The following TASP1 variants were observed in gnomAD, a reference collection of about 807,000 sequenced individuals.
TASP1 encodes threonine aspartase 1.
Under a neutral mutation model 56.6 loss-of-function variants are expected in TASP1, and 16 were observed. That is an observed-to-expected ratio of 0.28 (90% confidence interval 0.19 to 0.43). The LOEUF (loss-of-function observed/expected upper bound fraction) is 0.43. Ranked by LOEUF, TASP1 falls within the 20% of genes least tolerant of loss-of-function variation. The probability of loss-of-function intolerance (pLI) is 1.00; values close to 1 mark genes in which losing one functional copy is unlikely to be tolerated. For synonymous variants in TASP1, 179 were observed against 184.2 expected (o/e 0.97, Z 0.23); for missense variants, 393 against 511.6 (o/e 0.77, Z 2.24).
At chr20:13,308,017 TGGACACTCCGTTTA>T in the TASP1 span, among the ~76,000 whole-genome samples, 7 of 152,226 alleles carry the variant, frequency 4.6e-5, no homozygotes, top group African/African-American at 1.7e-4. Flanking sequence ...GTTGTCCTGG[TGGACACTCCGTTTA>T]GGAGTGTTTG....
At chr20:13,487,503 C>T (rs140611679) in intron 10 of TASP1, among the ~76,000 whole-genome samples, 1 of 152,172 alleles carries the variant, frequency 6.6e-6, no homozygotes, top group Admixed American at 6.5e-5. Flanking sequence ...CCAGTCTCTA[C>T]GGCCAGGTCA....
chr20:13,280,401 C>CG, the TASP1 span, among the ~76,000 whole-genome samples: 2 of 146,754 alleles, frequency 1.4e-5, no homozygotes, highest in South Asian at 2.4e-4. Context: ...ACCCCCCCCC[C>CG]CCAATACATT....
chr20:13,163,897 CT>C, the TASP1 span, among the ~76,000 whole-genome samples: 43 of 152,048 alleles, frequency 2.8e-4, no homozygotes, highest in South Asian at 1.3e-3. Context: ...TGAAAATGAC[CT>C]TTTTTTTATT....
At chr20:13,267,588 G>T in the TASP1 span, among the ~76,000 whole-genome samples, 1 of 152,266 alleles carries the variant, frequency 6.6e-6, no homozygotes. Context: ...TAAGGGGTTT[G>T]CTTGGTCTGG....
chr20:13,250,778 G>A, the TASP1 span, among the ~76,000 whole-genome samples: 1 of 152,158 alleles, frequency 6.6e-6, no homozygotes, highest in Admixed American at 6.5e-5. Flanking sequence ...ATGAGTAAAT[G>A]GATACATGCC....
chr20:13,463,703 C>T (rs1378782944), intron 11 of TASP1, among the ~76,000 whole-genome samples: 1 of 152,076 alleles, frequency 6.6e-6, no homozygotes, highest in Non-Finnish European at 1.5e-5. Flanking sequence ...ACTTCATACA[C>T]ATCTTCTCCA....
At chr20:13,153,813 A>G in the TASP1 span, among the ~76,000 whole-genome samples, 2 of 152,232 alleles carry the variant, frequency 1.3e-5, no homozygotes, top group Non-Finnish European at 2.9e-5. Flanking sequence ...CCTGCCTTCC[A>G]GGTGCAAGGT....
chr20:13,168,368 A>T, the TASP1 span: 2 of 152,236 alleles, frequency 1.3e-5, no homozygotes, highest in Non-Finnish European at 2.9e-5. Context: ...TTTTTAGTAG[A>T]GACAAGGTTT....
intron 4 of TASP1, among the ~76,000 whole-genome samples, chr20:13,616,073 A>G (rs6042248): frequency 0.032 from 4,880 of 152,174 alleles, 217 homozygotes; most frequent in African/African-American, 0.096. Flanking sequence ...AAACACAAAT[A>G]CACATACACA....
At chr20:13,495,831 CTG>C (rs1411301050) in intron 10 of TASP1, among the ~76,000 whole-genome samples, 2 of 152,142 alleles carry the variant, frequency 1.3e-5, no homozygotes, top group East Asian at 3.8e-4. Flanking sequence ...TTACCTAAGA[CTG>C]TGCTTCCCAA....
chr20:13,221,034 C>T, the TASP1 span, among the ~76,000 whole-genome samples: 2 of 152,118 alleles, frequency 1.3e-5, no homozygotes, highest in Non-Finnish European at 2.9e-5. Context: ...GTGACAACCT[C>T]GGTGTGCCCG....
At chr20:13,260,170 C>T in the TASP1 span, among the ~76,000 whole-genome samples, 2 of 152,216 alleles carry the variant, frequency 1.3e-5, no homozygotes, top group Admixed American at 6.5e-5. Context: ...GGAACAGGTG[C>T]CGGTGGCAGG....
chr20:13,170,126 C>T, the TASP1 span, among the ~76,000 whole-genome samples: 9 of 152,158 alleles, frequency 5.9e-5, no homozygotes, highest in South Asian at 2.1e-4. Context: ...ATGCCAGACA[C>T]GATATTAAGA....
intron 10 of TASP1, among the ~76,000 whole-genome samples, chr20:13,525,231 A>C (rs752532562): frequency 1.3e-5 from 2 of 152,170 alleles, no homozygotes; most frequent in Admixed American, 6.6e-5. Flanking sequence ...TGTGTATGTC[A>C]ACTTACTTAC....
the TASP1 span, among the ~76,000 whole-genome samples, chr20:13,349,012 G>A: frequency 1.3e-5 from 2 of 152,170 alleles, no homozygotes; most frequent in Non-Finnish European, 2.9e-5. Flanking sequence ...TCATTTGTGT[G>A]GGTTAAGCTG....
the TASP1 span, among the ~76,000 whole-genome samples, chr20:13,216,379 TTGTGCCCA>T: frequency 2.0e-5 from 3 of 152,018 alleles, no homozygotes; most frequent in Non-Finnish European, 4.4e-5. Flanking sequence ...GGTGGTGAGG[TTGTGCCCA>T]GTCCCTTAGG....
the TASP1 span, among the ~76,000 whole-genome samples, chr20:13,255,038 G>A: frequency 2.0e-5 from 3 of 152,154 alleles, no homozygotes; most frequent in Non-Finnish European, 4.4e-5. Flanking sequence ...ATCCTGGTAG[G>A]GGCCACAACA....
At chr20:13,371,294 G>A in the TASP1 span, among the ~76,000 whole-genome samples, 1 of 151,968 alleles carries the variant, frequency 6.6e-6, no homozygotes, top group African/African-American at 2.4e-5. Context: ...TTTAGCGTAG[G>A]CATTTAAACT....
chr20:13,241,397 A>G, the TASP1 span, among the ~76,000 whole-genome samples: 1 of 152,232 alleles, frequency 6.6e-6, no homozygotes, highest in Non-Finnish European at 1.5e-5. Context: ...GATGAGAACG[A>G]TCCAATAGAA....
Sources: allele counts gnomAD v4.1 joint callset (sites outside exome capture counted in the v4.1 genomes callset), GRCh38; gene constraint gnomAD v4.1.1; transcripts MANE v1.5; gene names NCBI Gene and HGNC (gene_info 2026-07-23, HGNC 2026-07-21).